BPIFC: variants seen among roughly 807,000 people sequenced by gnomAD.
BPIFC encodes BPI fold-containing family C protein.
Under a neutral mutation model 57.6 loss-of-function variants are expected in BPIFC, and 60 were observed. That is an observed-to-expected ratio of 1.04 (90% CI 0.85 to 1.29). BPIFC has a LOEUF of 1.29. Among genes scored for constraint, BPIFC ranks in the 50% most tolerant of loss-of-function variants. The pLI is 0.00. For synonymous variants in BPIFC, 243 were observed against 224.5 expected, an observed-to-expected ratio of 1.08 and a Z score of -0.74; for missense variants, 581 against 600.5, an observed-to-expected ratio of 0.97 and a Z score of 0.34.
chr22:32,433,065 T>C (rs1485309497), intron 11 of BPIFC, among the ~76,000 whole-genome samples: 2 of 152,136 alleles, frequency 1.3e-5, no homozygotes, highest in Non-Finnish European at 2.9e-5. Flanking sequence ...TAGCTGGGCA[T>C]AGTGGCTTGT....
chr22:32,438,588 C>T (rs1031437042), intron 8 of BPIFC, among the ~76,000 whole-genome samples: 5 of 152,118 alleles, frequency 3.3e-5, no homozygotes, highest in African/African-American at 9.7e-5. Flanking sequence ...GACAGCGTTT[C>T]ACCATGTTGG....
rs1933980905 is a variant in BPIFC, at chr22:32,424,681, T to TCCTCCTCCTCCTCCTCCTCCTCCTCCTCC, written c.1218-5278_1218-5277insGGAGGAGGAGGAGGAGGAGGAGGAGGAGG. On this transcript the variant is annotated intron_variant, in intron 13 of 16. Coordinates refer to ENST00000300399, the MANE Select transcript of BPIFC (RefSeq NM_174932.3). ...CTTCTTCTTCTTCTTCTTCTTCTTC[T>TCCTCCTCCTCCTCCTCCTCCTCCTCCTCC]TCTTCTTCTTCCTCTTCTTCTTCCT... Among the ~76,000 whole-genome samples the TCCTCCTCCTCCTCCTCCTCCTCCTCCTCC allele has an allele frequency of 3.0e-4, 22 of 72,722 alleles. 1 individual carries two copies. The highest frequency in any genetic ancestry group is 4.5e-4 in the Non-Finnish European group (19 of 42,314). 47.7% of individuals were successfully genotyped at this position (72,722 alleles called of 152,430 possible).
intron 2 of BPIFC, among the ~76,000 whole-genome samples, 186 bp from the exon 3 acceptor site, chr22:32,457,572 T>A (rs1240014223): frequency 1.3e-5 from 1 of 79,244 alleles, no homozygotes; most frequent in African/African-American, 4.1e-5. Context: ...CATCCATCCA[T>A]CCATCCATCC....
intron 13 of BPIFC, among the ~76,000 whole-genome samples, chr22:32,427,843 TG>T (rs1934111062): frequency 1.3e-5 from 2 of 152,124 alleles, no homozygotes; most frequent in African/African-American, 4.8e-5. Flanking sequence ...AAAAATTAGC[TG>T]GGCGTGGTGG....
chr22:32,461,189 C>G (rs1935152939), intron 2 of BPIFC, among the ~76,000 whole-genome samples: 2 of 152,158 alleles, frequency 1.3e-5, no homozygotes, highest in Admixed American at 6.6e-5. Flanking sequence ...GCTCCTTACC[C>G]TTAGCTATTA....
chr22:32,442,731 G>A lies in BPIFC; in HGVS notation c.595C>T (p.Leu199Phe), dbSNP rs776915016. 10 of 1,613,544 alleles carry A rather than the reference G, an allele frequency of 6.2e-6. No homozygotes were observed. Among genetic ancestry groups the A allele is most frequent in the Non-Finnish European group, 8.5e-6 (10 of 1,179,816 alleles). Residue 199 changes from leucine to phenylalanine, a missense_variant and splice_region_variant, in exon 8 of 17, where the codon CTC (leucine) becomes TTC (phenylalanine). Coordinates refer to ENST00000300399, the MANE Select transcript of BPIFC (RefSeq NM_174932.3). ...ACTTCACTTGCAATAATGGGACAGA[G>A]CTGGCCACAAAGGAATAAAAAGAAA... ...KPILKNLNEM[L>F]CPIIASEVKA... is the part of the protein sequence containing the mutation.
At chr22:32,421,710 G>A (rs1211804613) in intron 13 of BPIFC, among the ~76,000 whole-genome samples, 2 of 152,218 alleles carry the variant, frequency 1.3e-5, no homozygotes, top group Non-Finnish European at 2.9e-5. Context: ...GCTAGAGATA[G>A]CAGCCTTGTG....
At chr22:32,459,795 G>A (rs554327166) in intron 2 of BPIFC, among the ~76,000 whole-genome samples, 1 of 152,242 alleles carries the variant, frequency 6.6e-6, no homozygotes, top group East Asian at 1.9e-4. Flanking sequence ...AGGCTGCAGT[G>A]AGCTGTGATC....
chr22:32,429,526 T>TG (rs1934176552), intron 13 of BPIFC, among the ~76,000 whole-genome samples: 6 of 139,106 alleles, frequency 4.3e-5, no homozygotes, highest in Admixed American at 3.6e-4. Context: ...TTTTTTTTTT[T>TG]TTTTTTTTTT....
At chr22:32,434,231 CTTT>C (rs1934326186) in intron 10 of BPIFC, among the ~76,000 whole-genome samples, 4 of 147,510 alleles carry the variant, frequency 2.7e-5, no homozygotes, top group African/African-American at 9.9e-5. Context: ...TGTACATATT[CTTT>C]ATTTATATAT....
chr22:32,445,032 G>C (rs1409748007), intron 7 of BPIFC, among the ~76,000 whole-genome samples: 1 of 152,152 alleles, frequency 6.6e-6, no homozygotes, highest in Non-Finnish European at 1.5e-5. Flanking sequence ...AATTCTTGTT[G>C]GTTGTTTGCC....
chr22:32,458,021 G>A (rs929063965), intron 2 of BPIFC, among the ~76,000 whole-genome samples: 1 of 152,126 alleles, frequency 6.6e-6, no homozygotes, highest in Non-Finnish European at 1.5e-5. Flanking sequence ...CCACACCACA[G>A]CCAGAGTGAG....
At chr22:32,459,747 A>G (rs1247689535) in intron 2 of BPIFC, among the ~76,000 whole-genome samples, 1 of 152,016 alleles carries the variant, frequency 6.6e-6, no homozygotes, top group Non-Finnish European at 1.5e-5. Context: ...GCAACTTGGG[A>G]GGCTGAGATG....
chr22:32,421,685 A>G (rs920499450), intron 13 of BPIFC, among the ~76,000 whole-genome samples: 5 of 152,236 alleles, frequency 3.3e-5, no homozygotes, highest in African/African-American at 1.2e-4. Flanking sequence ...ATTATGTGTC[A>G]GCACTGGGAC....
At chr22:32,452,694 T>A (rs770350366) in intron 4 of BPIFC, among the ~76,000 whole-genome samples, 10 of 152,012 alleles carry the variant, frequency 6.6e-5, no homozygotes, top group Non-Finnish European at 8.8e-5. Flanking sequence ...AATATTATCA[T>A]TGACAGCAGG....
chr22:32,454,685 G>A (rs1427255602), intron 3 of BPIFC, among the ~76,000 whole-genome samples: 5 of 152,200 alleles, frequency 3.3e-5, no homozygotes, highest in African/African-American at 9.7e-5. Flanking sequence ...ATGAAGAAGA[G>A]CAGGTTTTAT....
Position 32,447,456 on chromosome 22 carries a change from A to G in BPIFC, c.246-116T>C, listed in dbSNP as rs950703379. ...CATTGAGGCCATTGTGAACTCCTAC[A>G]GAGAAAAGAACCTCCTGTCTGCAAG... On this transcript the variant is annotated intron_variant, in intron 4 of 16. Transcript: ENST00000300399. 6.4e-6 allele frequency: 8 copies of G among 1,242,730 alleles called. No individual in the cohort carries two copies. In the African/African-American group the frequency reaches 1.2e-4, roughly 19 times the overall value. 77.0% of individuals were successfully genotyped at this position (1,242,730 alleles called of 1,614,324 possible). A position where few individuals can be genotyped will look rare whatever the true frequency, so the allele number is the denominator to read the frequency against.
chr22:32,432,408 T>C lies in BPIFC; in HGVS notation c.1114A>G (p.Asn372Asp). 6.2e-7 allele frequency: 1 copy of C among 1,614,036 alleles called. No homozygotes were observed. ...GAAACGATGGTTTCAACTGTGGAGT[T>C]CTTGGGTTGGGTGAGCATCATGATG... Reference protein sequence around the residue: ...ASIMMLTQPKNSTVETIVSMD... With the variant: ...ASIMMLTQPKDSTVETIVSMD... The change falls in exon 12 of 17, where the codon AAC becomes GAC. Residue 372 changes from asparagine to aspartate, a missense_variant. By Grantham distance (23) the Asn-to-Asp change is conservative. Coordinates refer to ENST00000300399, the MANE Select transcript of BPIFC (RefSeq NM_174932.3).
At position 32,424,684 on chromosome 22, in the gene BPIFC, T is replaced by C. The variant is rs1228067633; in HGVS notation, c.1218-5280A>G. ...CTTCTTCTTCTTCTTCTTCTTCTTC[T>C]TCTTCTTCCTCTTCTTCTTCCTCTT... On this transcript the variant is annotated intron_variant, in intron 13 of 16. Coordinates refer to ENST00000300399, the MANE Select transcript of BPIFC (RefSeq NM_174932.3). Among the ~76,000 whole-genome samples the C allele has an allele frequency of 5.1e-4, 47 of 91,814 alleles. 1 individual carries two copies. The highest frequency in any genetic ancestry group is 2.7e-3 in the African/African-American group (39 of 14,480). 60.2% of individuals were successfully genotyped at this position (91,814 alleles called of 152,430 possible).
Sources: gnomAD v4.1 joint callset for allele counts (sites outside exome capture counted in the v4.1 genomes callset) on GRCh38, gnomAD v4.1.1 for gene constraint, MANE v1.5 for transcripts, NCBI Gene and HGNC (gene_info 2026-07-23, HGNC 2026-07-21) for gene names.